The following GARS1 variants were observed in gnomAD, a reference collection of about 807,000 sequenced individuals.
GARS1 encodes glycine--tRNA ligase.
A neutral mutation model predicts 86.4 loss-of-function variants in GARS1; 46 were observed. The observed-to-expected ratio is 0.53, with a 90% confidence interval of 0.42 to 0.68. GARS1 has a LOEUF of 0.68. GARS1 is among the 30% of genes least tolerant of loss of function. The pLI, the probability that GARS1 is intolerant of heterozygous loss-of-function variation, is 0.00. For synonymous variants in GARS1, 342 were observed against 329.8 expected, an observed-to-expected ratio of 1.04 and a Z score of -0.40; for missense variants, 797 against 915.6, an observed-to-expected ratio of 0.87 and a Z score of 1.67.
intron 6 of GARS1, among the ~76,000 whole-genome samples, chr7:30,609,131 T>C (rs1791542240): frequency 6.6e-6 from 1 of 152,200 alleles, no homozygotes; most frequent in South Asian, 2.1e-4. Context: ...GAAAGTTCAA[T>C]GCACATTTAA....
At chr7:30,606,778 T>C (rs957428342) in intron 6 of GARS1, among the ~76,000 whole-genome samples, 1 of 152,226 alleles carries the variant, frequency 6.6e-6, no homozygotes, top group Non-Finnish European at 1.5e-5. Flanking sequence ...GGGGATGGTA[T>C]TGATCACTAA....
At chr7:30,625,372 A>G (rs1288905441) in intron 12 of GARS1, among the ~76,000 whole-genome samples, 1 of 152,260 alleles carries the variant, frequency 6.6e-6, no homozygotes, top group Non-Finnish European at 1.5e-5. Flanking sequence ...ACAGAATAGT[A>G]AAAACGGAAG....
intron 12 of GARS1, among the ~76,000 whole-genome samples, chr7:30,625,666 C>A (rs549723809): frequency 3.1e-4 from 47 of 152,298 alleles, no homozygotes; most frequent in African/African-American, 9.9e-4. Context: ...AAATACATGG[C>A]AGCCAGTGAT....
intron 5 of GARS1, 44 bp from the exon 6 acceptor site, chr7:30,603,452 T>C: frequency 6.9e-7 from 1 of 1,458,622 alleles, no homozygotes; most frequent in Non-Finnish European, 9.6e-7. Flanking sequence ...AAGTGCATTG[T>C]CCTTTTTCCC....
chr7:30,595,944 GT>G (rs1791238045), intron 1 of GARS1: 1 of 470,686 alleles, frequency 2.1e-6, no homozygotes. Flanking sequence ...GTGAGGGAAG[GT>G]TTCATGGGCT....
At chr7:30,629,210 G>A (rs1783189792) in intron 14 of GARS1, among the ~76,000 whole-genome samples, 1 of 152,132 alleles carries the variant, frequency 6.6e-6, no homozygotes, top group South Asian at 2.1e-4. Flanking sequence ...TAAGAATCCT[G>A]AGTGATTTCA....
In GARS1 at chr7:30,632,494, G is replaced by A. The variant is rs1436096651; in HGVS notation, c.2094+57G>A. ...TTAGAAATGTGTACTGCTTCTTACTGATTTGTGTTGGATTTTGATGTGTTT... is the reference window on the plus strand; with the variant it reads ...TTAGAAATGTGTACTGCTTCTTACTAATTTGTGTTGGATTTTGATGTGTTT... On this transcript the variant is annotated intron_variant, in intron 16 of 16. Transcript: ENST00000389266. The surrounding 1 kb of genome is among the most constrained non-coding windows in gnomAD (Gnocchi z 4.1). The A allele has an allele frequency of 6.4e-7, 1 of 1,560,080 alleles. No individual in the cohort carries two copies. Among genetic ancestry groups the A allele is most frequent in the African/African-American group, 1.4e-5 (1 of 73,796 alleles).
rs1477468328 is a variant in GARS1, at chr7:30,603,526, A to G, written c.689A>G (p.Lys230Arg). The G allele has an allele frequency of 1.2e-6, 2 of 1,613,978 alleles. No homozygotes were observed. Among genetic ancestry groups the G allele is most frequent in the Admixed American group, 3.3e-5 (2 of 60,032 alleles). The change falls in exon 6 of 17, where the codon AAG (lysine) becomes AGG (arginine). Residue 230 changes from lysine to arginine, a missense_variant. Around this residue, in one of 2 missense-constraint regions of GARS1, gnomAD observed 598 missense variants for 738.7 expected, o/e 0.81. Transcript: ENST00000389266. Reference protein sequence around the residue: ...AHLQKLMSDKKCSVEKKSEME... With the variant: ...AHLQKLMSDKRCSVEKKSEME... ...TTACAGAAATTGATGTCTGATAAGA[A>G]GTGTTCTGTCGAAAAGAAATCAGAA...
rs1168737278 is a variant in GARS1, at chr7:30,621,495, G to A, written c.1462G>A (p.Glu488Lys). ...ACTTGTAGCTGAGAAACCTCTGAAA[G>A]AACCCATATCCTTTCTGGTCACTCC... ...VPLVAEKPLKEPKTVNVVQFE... is the reference protein window; with the variant it reads ...VPLVAEKPLKKPKTVNVVQFE... The change falls in exon 11 of 17, where the codon GAA becomes AAA. Residue 488 changes from glutamate (E) to lysine (K), a missense_variant. By Grantham distance (56) the Glu-to-Lys change is moderately conservative (BLOSUM62 1). This residue lies in a region of GARS1 where 598 missense variants were observed against 738.7 expected (regional missense o/e 0.81). Transcript: ENST00000389266. The A allele has an allele frequency of 6.2e-7, 1 of 1,613,016 alleles. No homozygotes were observed. Among genetic ancestry groups the A allele is most frequent in the East Asian group, 2.2e-5 (1 of 44,890 alleles).
chr7:30,619,712 C>G (rs1782962340), intron 10 of GARS1, among the ~76,000 whole-genome samples: 1 of 150,890 alleles, frequency 6.6e-6, no homozygotes, highest in East Asian at 1.9e-4. Flanking sequence ...TATTTGCTTG[C>G]TTTATTACAG....
intron 13 of GARS1, chr7:30,628,352 T>C (rs1783167259): frequency 2.4e-6 from 1 of 416,868 alleles, no homozygotes; most frequent in Admixed American, 2.8e-5. Context: ...ACCCAGTTAA[T>C]TTTTGTATTT....
intron 3 of GARS1, among the ~76,000 whole-genome samples, chr7:30,600,325 T>G (rs1791347080): frequency 6.6e-6 from 1 of 152,236 alleles, no homozygotes; most frequent in Non-Finnish European, 1.5e-5. Flanking sequence ...ACTCATGTAC[T>G]CTTTTTAAAA....
intron 12 of GARS1, among the ~76,000 whole-genome samples, chr7:30,623,303 T>A (rs570169923): frequency 4.5e-4 from 69 of 152,198 alleles, no homozygotes; most frequent in African/African-American, 1.5e-3. Context: ...TACATAAGGA[T>A]GTTAAAGCAC....
At position 30,609,598 on chromosome 7, in the gene GARS1, G is replaced by A. The variant is rs1034889657; in HGVS notation, c.749G>A (p.Gly250Glu). 6.2e-7 allele frequency: 1 copy of A among 1,612,850 alleles called. No individual in the cohort carries two copies. The highest frequency in any genetic ancestry group is 8.5e-7 in the Non-Finnish European group (1 of 1,179,178). ...ESVLAQLDNY[G>E]QQELADLFVN... Reference sequence around the variant, plus strand: ...TATGTCTTTTAGCTTGATAACTATGGACAGCAAGAACTTGCGGATCTTTTT... The same window carrying A: ...TATGTCTTTTAGCTTGATAACTATGAACAGCAAGAACTTGCGGATCTTTTT... The change falls in exon 7 of 17, where the codon GGA (glycine) becomes GAA (glutamate). Residue 250 changes from glycine to glutamate, a missense_variant. Around this residue, in one of 2 missense-constraint regions of GARS1, gnomAD observed 598 missense variants for 738.7 expected, o/e 0.81. Transcript: ENST00000389266.
At position 30,632,108 on chromosome 7, in the gene GARS1, C is replaced by G. The variant is rs1321403298; in HGVS notation, c.1904-139C>G. ...GATTTATTAAACTTTAGGGATATTTCTTTCTCTTGCAACTCAACTTGTTGC... is the reference window on the plus strand; with the variant it reads ...GATTTATTAAACTTTAGGGATATTTGTTTCTCTTGCAACTCAACTTGTTGC... On this transcript the variant is annotated intron_variant, in intron 15 of 16. Coordinates refer to ENST00000389266, the MANE Select transcript of GARS1 (RefSeq NM_002047.4). The surrounding 1 kb of genome is among the most constrained non-coding windows in gnomAD (Gnocchi z 4.1). The G allele has an allele frequency of 1.3e-6, 1 of 798,100 alleles. No homozygotes were observed. Among genetic ancestry groups the G allele is most frequent in the Non-Finnish European group, 2.1e-6 (1 of 477,132 alleles). The allele number at this position is 798,100 out of a possible 1,614,324, so 49.4% of individuals were successfully genotyped here.
At chr7:30,622,550 A>AT in intron 12 of GARS1, 88 bp downstream of exon 12, 8 of 1,534,980 alleles carry the variant, frequency 5.2e-6, no homozygotes, top group East Asian at 2.2e-5. Context: ...ATTTCTTAAG[A>AT]TTTTTTGCAG....
chr7:30,624,377 C>T (rs1267821987), intron 12 of GARS1, among the ~76,000 whole-genome samples: 1 of 152,094 alleles, frequency 6.6e-6, no homozygotes, highest in African/African-American at 2.4e-5. Flanking sequence ...ATAGAAATGG[C>T]ATTTTCTCTG....
intron 2 of GARS1, among the ~76,000 whole-genome samples, chr7:30,599,296 A>G (rs904553017): frequency 3.9e-5 from 6 of 152,196 alleles, no homozygotes; most frequent in Non-Finnish European, 5.9e-5. Flanking sequence ...CCCATCACCA[A>G]ACTTAAGTTG....
chr7:30,609,521 AT>A, intron 6 of GARS1, 63 bp from the exon 7 acceptor site: 2 of 1,403,422 alleles, frequency 1.4e-6, no homozygotes, highest in South Asian at 2.3e-5. Context: ...GTTATATATA[AT>A]ACTTTATATC....
Sources: gnomAD v4.1 joint callset for allele counts (sites outside exome capture counted in the v4.1 genomes callset) on GRCh38, gnomAD v4.1.1 for gene constraint, gnomAD v4.1.1 regional missense constraint, Gnocchi (gnomAD v3.1) non-coding constraint, MANE v1.5 for transcripts, NCBI Gene and HGNC (gene_info 2026-07-23, HGNC 2026-07-21) for gene names.